The following ZNF705B variants were observed in gnomAD, a reference collection of about 807,000 sequenced individuals.
ZNF705B encodes zinc finger protein 705B.
A neutral mutation model predicts 10.5 loss-of-function variants in ZNF705B; 1 was observed. That is an observed-to-expected ratio of 0.10 (90% CI 0.03 to 0.45). ZNF705B has a LOEUF of 0.45. Among genes scored for constraint, ZNF705B ranks in the 20% least tolerant of loss-of-function variants. The pLI is 0.97. For synonymous variants in ZNF705B, 4 were observed against 25.4 expected (o/e 0.16, Z 2.53); for missense variants, 14 against 84.0 (o/e 0.17, Z 3.26).
intron 1 of ZNF705B, among the ~76,000 whole-genome samples, chr8:7,929,635 T>G (rs1236744271): frequency 1.6e-5 from 2 of 122,316 alleles, no homozygotes; most frequent in Non-Finnish European, 3.9e-5. Context: ...CATGCCATAA[T>G]TTGAACATTT....
In ZNF705B at chr8:7,935,775, A is replaced by G. The variant is rs1182867087; in HGVS notation, c.-72+5339A>G. 1.7e-4 allele frequency among the ~76,000 whole-genome samples: 15 copies of G among 89,806 alleles called. 1 individual carries two copies. Among genetic ancestry groups the G allele is most frequent in the Admixed American group, 4.1e-4 (3 of 7,314 alleles). The allele number at this position is 89,806 out of a possible 152,430, so 58.9% of individuals were successfully genotyped here. Reference sequence around the variant, plus strand: ...AAGACAATGGTAATTGTAAATGTTGACCACTTGGTAGAAACAAGCTGAAAT... The same window carrying G: ...AAGACAATGGTAATTGTAAATGTTGGCCACTTGGTAGAAACAAGCTGAAAT... On this transcript the variant is annotated intron_variant, in intron 2 of 6. Coordinates refer to ENST00000400120, the MANE Select transcript of ZNF705B (RefSeq NM_001193630.1).
Position 7,937,195 on chromosome 8 carries a change from G to T in ZNF705B, c.-72+6759G>T, listed in dbSNP as rs1160988343. 7.6e-5 allele frequency among the ~76,000 whole-genome samples: 9 copies of T among 118,266 alleles called. 1 individual carries two copies. The highest frequency in any genetic ancestry group is 2.4e-4 in the East Asian group (1 of 4,146). 77.6% of individuals were successfully genotyped at this position (118,266 alleles called of 152,430 possible). On this transcript the variant is annotated intron_variant, in intron 2 of 6. Transcript: ENST00000400120. ...TCGAGTGAAGCAGATGATAGGGACA[G>T]CACTAAGGCTTGGTATTCTGAGCCT...
intron 2 of ZNF705B, among the ~76,000 whole-genome samples, chr8:7,933,929 CTTTTTTTTTTTTTTT>C (rs1162997944): frequency 0.065 from 1,882 of 29,086 alleles, 22 homozygotes; most frequent in African/African-American, 0.14. Context: ...GTAATATAAA[CTTTTTTTTTTTTTTT>C]TTTTTTTTTT....
At chr8:7,927,315 C>T (rs1174810973) in intron 1 of ZNF705B, among the ~76,000 whole-genome samples, 1 of 120,602 alleles carries the variant, frequency 8.3e-6, no homozygotes, top group African/African-American at 2.5e-5. Flanking sequence ...ACATTCCAGG[C>T]CTTATGGAGG....
chr8:7,935,171 T>C (rs1244528288), intron 2 of ZNF705B, among the ~76,000 whole-genome samples: 30 of 102,318 alleles, frequency 2.9e-4, no homozygotes, highest in South Asian at 9.8e-4. Flanking sequence ...GTTTAATACA[T>C]AAATATATCT....
intron 1 of ZNF705B, among the ~76,000 whole-genome samples, chr8:7,926,975 G>A (rs1230267640): frequency 1.7e-5 from 2 of 116,598 alleles, no homozygotes; most frequent in African/African-American, 5.1e-5. Context: ...GCATTGACTT[G>A]CTCAGAGAAA....
At chr8:7,935,954 G>A (rs1820003011) in intron 2 of ZNF705B, among the ~76,000 whole-genome samples, 1 of 91,596 alleles carries the variant, frequency 1.1e-5, no homozygotes, top group African/African-American at 2.8e-5. Flanking sequence ...TGTAGAGGAT[G>A]AACCACTGAC....
intron 2 of ZNF705B, among the ~76,000 whole-genome samples, chr8:7,940,674 A>T (rs1820126383): frequency 6.7e-6 from 1 of 148,264 alleles, no homozygotes; most frequent in Admixed American, 6.8e-5. Context: ...TTCAAACACA[A>T]GTGAAATAAT....
chr8:7,928,523 T>C lies in ZNF705B; in HGVS notation c.-221-1764T>C, dbSNP rs1819758543. On this transcript the variant is annotated intron_variant, in intron 1 of 6. Coordinates refer to ENST00000400120, the MANE Select transcript of ZNF705B (RefSeq NM_001193630.1). ...CTCACAGTGTAGAGAAGGAGAGAGA[T>C]GTAGAAACAATATAAAGCAACACAG... 1.7e-5 allele frequency among the ~76,000 whole-genome samples: 2 copies of C among 119,338 alleles called. 1 individual carries two copies. Among genetic ancestry groups the C allele is most frequent in the Non-Finnish European group, 4.0e-5 (2 of 49,870 alleles). 78.3% of individuals were successfully genotyped at this position (119,338 alleles called of 152,430 possible). A position where few individuals can be genotyped will look rare whatever the true frequency, so the allele number is the denominator to read the frequency against.
chr8:7,940,690 A>G (rs574404167), intron 2 of ZNF705B, among the ~76,000 whole-genome samples: 1 of 148,214 alleles, frequency 6.7e-6, no homozygotes, highest in Non-Finnish European at 1.5e-5. Context: ...ATAATATAGT[A>G]ATTGTCATTC....
At chr8:7,933,137 T>C (rs1298785999) in intron 2 of ZNF705B, among the ~76,000 whole-genome samples, 1 of 108,816 alleles carries the variant, frequency 9.2e-6, no homozygotes, top group Non-Finnish European at 2.2e-5. Flanking sequence ...AATGTAATCA[T>C]GAGTCCTAAA....
At chr8:7,936,364 C>T (rs1156981993) in intron 2 of ZNF705B, among the ~76,000 whole-genome samples, 2 of 119,106 alleles carry the variant, frequency 1.7e-5, no homozygotes, top group Non-Finnish European at 4.0e-5. Context: ...CCAGTAATCT[C>T]ACTACTGGGT....
rs1191695265 is a variant in ZNF705B at position 7,935,015 on chromosome 8, TAC to T, written c.-72+4594_-72+4595del. Among the ~76,000 whole-genome samples, 444 of 66,810 alleles carry T rather than the reference TAC, an allele frequency of 6.6e-3. 3 individuals carry two copies. Among genetic ancestry groups the T allele is most frequent in the African/African-American group, 0.015 (427 of 28,152 alleles). 43.8% of individuals were successfully genotyped at this position (66,810 alleles called of 152,430 possible). On this transcript the variant is annotated intron_variant, in intron 2 of 6. Transcript: ENST00000400120. ...CTTTTGGATCAGCTGTTTTTATTCC[TAC>T]ACACACACACACACTCTCTCTATAT...
rs1483215323 is a variant in ZNF705B at position 7,928,903 on chromosome 8, C to A, written c.-221-1384C>A. Among the ~76,000 whole-genome samples the A allele has an allele frequency of 1.9e-5, 2 of 107,144 alleles. 1 individual carries two copies. Among genetic ancestry groups the A allele is most frequent in the African/African-American group, 5.3e-5 (2 of 37,848 alleles). The allele number at this position is 107,144 out of a possible 152,430, so 70.3% of individuals were successfully genotyped here. A position where few individuals can be genotyped will look rare whatever the true frequency, so the allele number is the denominator to read the frequency against. On this transcript the variant is annotated intron_variant, in intron 1 of 6. Transcript: ENST00000400120. ...ATAAGTGGGAGCTAGGGTATGAGTA[C>A]AAAAAGGAATACAGAGTGATATGAT... is the stretch of plus-strand genomic sequence containing the variant.
At chr8:7,929,299 G>A (rs1238115132) in intron 1 of ZNF705B, among the ~76,000 whole-genome samples, 2 of 121,346 alleles carry the variant, frequency 1.6e-5, no homozygotes, top group African/African-American at 5.0e-5. Context: ...CCCTTACATG[G>A]TCTGGCATTA....
In ZNF705B at chr8:7,928,279, G is replaced by A. The variant is rs1334127946; in HGVS notation, c.-222+1882G>A. Among the ~76,000 whole-genome samples, 4 of 119,682 alleles carry A rather than the reference G, an allele frequency of 3.3e-5. 1 individual carries two copies. The highest frequency in any genetic ancestry group is 6.0e-5 in the Non-Finnish European group (3 of 49,892). The allele number at this position is 119,682 out of a possible 152,430, so 78.5% of individuals were successfully genotyped here. ...AATATCGTCACCACCTTGGGGGTTG[G>A]CATTTCAACAGATGAATGGGGAGAC... On this transcript the variant is annotated intron_variant, in intron 1 of 6. Coordinates refer to ENST00000400120, the MANE Select transcript of ZNF705B (RefSeq NM_001193630.1).
Position 7,926,667 on chromosome 8 carries a change from A to T in ZNF705B, c.-222+270A>T, listed in dbSNP as rs1226503196. On this transcript the variant is annotated intron_variant, in intron 1 of 6. Transcript: ENST00000400120. Reference sequence around the variant, plus strand: ...AGTGTTAAGAAGCGGAACATTTGGGAAGTGATTAAGGAACACTGACCTTTA... The same window carrying T: ...AGTGTTAAGAAGCGGAACATTTGGGTAGTGATTAAGGAACACTGACCTTTA... Among the ~76,000 whole-genome samples the T allele has an allele frequency of 1.9e-5, 2 of 107,730 alleles. 1 individual carries two copies. Among genetic ancestry groups the T allele is most frequent in the Non-Finnish European group, 4.4e-5 (2 of 45,224 alleles). 70.7% of individuals were successfully genotyped at this position (107,730 alleles called of 152,430 possible). A position where few individuals can be genotyped will look rare whatever the true frequency, so the allele number is the denominator to read the frequency against.
rs866276499 is a variant in ZNF705B at position 7,936,958 on chromosome 8, T to C, written c.-72+6522T>C. 5.5e-3 allele frequency among the ~76,000 whole-genome samples: 660 copies of C among 120,274 alleles called. 65 individuals are homozygous for C. The highest frequency in any genetic ancestry group is 0.016 in the African/African-American group (615 of 39,202). The allele number at this position is 120,274 out of a possible 152,430, so 78.9% of individuals were successfully genotyped here. A position where few individuals can be genotyped will look rare whatever the true frequency, so the allele number is the denominator to read the frequency against. ...TCATTTGTAAGAATTCAAGTAACAT[T>C]AGGGATTTTAAAAATCTTTCGTTTT... On this transcript the variant is annotated intron_variant, in intron 2 of 6. Transcript: ENST00000400120.
chr8:7,936,244 C>T lies in ZNF705B; in HGVS notation c.-72+5808C>T, dbSNP rs1316529361. 3.4e-4 allele frequency among the ~76,000 whole-genome samples: 41 copies of T among 120,120 alleles called. 2 individuals carry two copies. The highest frequency in any genetic ancestry group is 8.9e-4 in the African/African-American group (35 of 39,334). The allele number at this position is 120,120 out of a possible 152,430, so 78.8% of individuals were successfully genotyped here. A position where few individuals can be genotyped will look rare whatever the true frequency, so the allele number is the denominator to read the frequency against. On this transcript the variant is annotated intron_variant, in intron 2 of 6. Coordinates refer to ENST00000400120, the MANE Select transcript of ZNF705B (RefSeq NM_001193630.1). ...TTGTGCGGAAATTTGTTGTTACTCTCGGTTCAGAGGTCTTTGAATCATGTG... is the reference window on the plus strand; with the variant it reads ...TTGTGCGGAAATTTGTTGTTACTCTTGGTTCAGAGGTCTTTGAATCATGTG...
Sources: allele counts gnomAD v4.1 joint callset (sites outside exome capture counted in the v4.1 genomes callset), GRCh38; gene constraint gnomAD v4.1.1; transcripts MANE v1.5; gene names NCBI Gene and HGNC (gene_info 2026-07-23, HGNC 2026-07-21).